EPS8: variants seen among roughly 807,000 people sequenced by gnomAD.
The protein encoded by EPS8 is epidermal growth factor receptor kinase substrate 8.
EPS8 carries 42 observed loss-of-function variants against 103.8 expected under a neutral mutation model. That is an observed-to-expected ratio of 0.40 (90% CI 0.32 to 0.52). EPS8 has a LOEUF of 0.52. EPS8 is among the 20% of genes least tolerant of loss of function. The pLI, the probability that EPS8 is intolerant of heterozygous loss-of-function variation, is 0.40. For synonymous variants in EPS8, 344 were observed against 344.6 expected (o/e 1.00, Z 0.02); for missense variants, 969 against 1,005.1 (o/e 0.96, Z 0.49).
rs903423528 is a variant in EPS8, at chr12:15,701,920, C to G, written c.-21-18948G>C. ...AAAGAGTTCAAACATCTGACTCTTACAATATTTTGCTTTCAGTAGAAAGAC... is the reference window on the plus strand; with the variant it reads ...AAAGAGTTCAAACATCTGACTCTTAGAATATTTTGCTTTCAGTAGAAAGAC... On this transcript the variant is annotated intron_variant, in intron 1 of 20. Transcript: ENST00000281172. The surrounding 1 kb of genome is among the most constrained non-coding windows in gnomAD (Gnocchi z 5.1). Among the ~76,000 whole-genome samples, 1 of 152,146 alleles carries G rather than the reference C, an allele frequency of 6.6e-6. No homozygotes were observed. The highest frequency in any genetic ancestry group is 2.4e-5 in the African/African-American group (1 of 41,420).
chr12:15,732,867 C>T (rs958053220), intron 1 of EPS8: 3 of 392,312 alleles, frequency 7.6e-6, no homozygotes, highest in Non-Finnish European at 1.0e-5. Context: ...ATACAGCCAC[C>T]TCGGTCATTA....
Position 15,640,593 on chromosome 12 carries a change from A to T in EPS8, c.1821+110T>A, listed in dbSNP as rs1261266907. The T allele has an allele frequency of 3.2e-6, 3 of 938,390 alleles. No homozygotes were observed. The African/African-American group carries it at 5.0e-5, about 16-fold the overall frequency. The allele number at this position is 938,390 out of a possible 1,614,324, so 58.1% of individuals were successfully genotyped here. A position where few individuals can be genotyped will look rare whatever the true frequency, so the allele number is the denominator to read the frequency against. ...ACCAATTACTCTAGAAAAAATATAT[A>T]ACCAACTACATCTCAAAATGATCAA... is the stretch of plus-strand genomic sequence containing the variant. On this transcript the variant is annotated intron_variant, in intron 17 of 20. Coordinates refer to ENST00000281172, the MANE Select transcript of EPS8 (RefSeq NM_004447.6).
intron 17 of EPS8, among the ~76,000 whole-genome samples, chr12:15,639,651 G>A (rs1198846513): frequency 6.6e-6 from 1 of 152,070 alleles, no homozygotes; most frequent in East Asian, 1.9e-4. Flanking sequence ...AGTCCCTCTG[G>A]ATAAGCACAG....
intron 17 of EPS8, among the ~76,000 whole-genome samples, chr12:15,638,985 A>G (rs538730190): frequency 6.6e-6 from 1 of 152,360 alleles, no homozygotes; most frequent in Non-Finnish European, 1.5e-5. Flanking sequence ...GAAAATTCCT[A>G]TTATAGAATT....
chr12:15,666,061 A>T (rs1565488661), intron 7 of EPS8, among the ~76,000 whole-genome samples, 169 bp from the exon 8 acceptor site: 1 of 152,236 alleles, frequency 6.6e-6, no homozygotes, highest in Non-Finnish European at 1.5e-5. Flanking sequence ...CATATGAAAT[A>T]AAAAAATTAA....
chr12:15,724,090 G>T (rs1946627018), intron 1 of EPS8, among the ~76,000 whole-genome samples: 1 of 152,054 alleles, frequency 6.6e-6, no homozygotes, highest in South Asian at 2.1e-4. Context: ...CTTTGGGTCA[G>T]TGAATCCTAA....
chr12:15,635,018 T>C (rs572431504), intron 17 of EPS8, among the ~76,000 whole-genome samples: 1 of 152,294 alleles, frequency 6.6e-6, no homozygotes, highest in East Asian at 1.9e-4. Flanking sequence ...ACAGTAACTA[T>C]TTGTATATTC....
rs557142304 is a variant in EPS8 at position 15,716,777 on chromosome 12, T to C, written c.-21-33805A>G. 6.6e-6 allele frequency among the ~76,000 whole-genome samples: 1 copy of C among 152,202 alleles called. No homozygotes were observed. The highest frequency in any genetic ancestry group is 1.5e-5 in the Non-Finnish European group (1 of 68,028). On this transcript the variant is annotated intron_variant, in intron 1 of 20. Transcript: ENST00000281172. The surrounding 1 kb of genome is among the most constrained non-coding windows in gnomAD (Gnocchi z 5.0). Reference sequence around the variant, plus strand: ...ATGTGAGGTCACTTACATAAATTGTTAGGACAACCAAGCAGAATCGATCAA... The same window carrying C: ...ATGTGAGGTCACTTACATAAATTGTCAGGACAACCAAGCAGAATCGATCAA...
chr12:15,719,934 A>C (rs1214607224), intron 1 of EPS8, among the ~76,000 whole-genome samples: 1 of 152,236 alleles, frequency 6.6e-6, no homozygotes, highest in Non-Finnish European at 1.5e-5. Flanking sequence ...GCAAAAAGCC[A>C]TGGATTTGAA....
At chr12:15,647,085 C>T (rs1403075141) in intron 15 of EPS8, 42 bp downstream of exon 15, 1 of 1,586,730 alleles carries the variant, frequency 6.3e-7, no homozygotes, top group Admixed American at 1.7e-5. Flanking sequence ...AGATCAGAGA[C>T]ATTTATCCAC....
chr12:15,709,693 C>G (rs889598913), intron 1 of EPS8, among the ~76,000 whole-genome samples: 10 of 152,192 alleles, frequency 6.6e-5, no homozygotes, highest in Admixed American at 5.9e-4. Flanking sequence ...GCCAGAGCAA[C>G]GGGAGGGCTT....
At chr12:15,770,582 G>GT (rs1187633521) in intron 1 of EPS8, among the ~76,000 whole-genome samples, 12 of 152,058 alleles carry the variant, frequency 7.9e-5, no homozygotes, top group Admixed American at 2.0e-4. Flanking sequence ...TAAGAGCTCA[G>GT]TTTTTTGTGG....
rs1343148882 is a variant in EPS8, at chr12:15,760,606, C to A, written c.-22+28555G>T. On this transcript the variant is annotated intron_variant, in intron 1 of 20. Coordinates refer to ENST00000281172, the MANE Select transcript of EPS8 (RefSeq NM_004447.6). The surrounding 1 kb of genome is among the most constrained non-coding windows in gnomAD (Gnocchi z 4.5). ...CCTTTAAAAGATCATTCATCATAAC[C>A]AGGTGGGATAAATCCCACCAATACA... 1.3e-5 allele frequency among the ~76,000 whole-genome samples: 2 copies of A among 152,070 alleles called. No individual in the cohort carries two copies. Among genetic ancestry groups the A allele is most frequent in the African/African-American group, 4.8e-5 (2 of 41,444 alleles).
rs1479237320 is a variant in EPS8, at chr12:15,776,913, A to G, written c.-22+12248T>C. ...CAGTAATGATAGTTTGATTTTATCA[A>G]TGCCTTTGAAAACCATAAACATAAC... On this transcript the variant is annotated intron_variant, in intron 1 of 20. Transcript: ENST00000281172. The surrounding 1 kb of genome is among the most constrained non-coding windows in gnomAD (Gnocchi z 4.2). 2.0e-5 allele frequency among the ~76,000 whole-genome samples: 3 copies of G among 152,216 alleles called. No homozygotes were observed. The highest frequency in any genetic ancestry group is 4.8e-5 in the African/African-American group (2 of 41,466).
intron 1 of EPS8, among the ~76,000 whole-genome samples, chr12:15,707,879 T>G (rs907930352): frequency 6.6e-6 from 1 of 152,212 alleles, no homozygotes; most frequent in Non-Finnish European, 1.5e-5. Context: ...CATTTCATCC[T>G]CTTTTTGTAG....
At chr12:15,650,405 G>A (rs1383629629) in intron 14 of EPS8, among the ~76,000 whole-genome samples, 1 of 152,162 alleles carries the variant, frequency 6.6e-6, no homozygotes, top group East Asian at 1.9e-4. Context: ...GCTTAAGACA[G>A]GTTAGAGGAT....
In EPS8 at chr12:15,751,924, G is replaced by C. The variant is rs1036667935; in HGVS notation, c.-22+37237C>G. Among the ~76,000 whole-genome samples the C allele has an allele frequency of 2.0e-5, 3 of 152,076 alleles. No homozygotes were observed. The highest frequency in any genetic ancestry group is 6.5e-5 in the Admixed American group (1 of 15,270). On this transcript the variant is annotated intron_variant, in intron 1 of 20. Transcript: ENST00000281172. This position sits in a 1 kb window ranked among gnomAD's most constrained non-coding sequence, Gnocchi z 4.3. ...TAGGCATGGGCGTGGGGGAGGTGGA[G>C]AGCCAGAAAAGTGTAGAAAATCAAG...
At chr12:15,648,614 G>C (rs1945360184) in intron 14 of EPS8, among the ~76,000 whole-genome samples, 2 of 152,088 alleles carry the variant, frequency 1.3e-5, no homozygotes, top group Non-Finnish European at 2.9e-5. Flanking sequence ...CATTAGATTA[G>C]GTAATCTTTA....
chr12:15,635,161 G>T (rs890778243), intron 17 of EPS8, among the ~76,000 whole-genome samples: 1 of 152,004 alleles, frequency 6.6e-6, no homozygotes, highest in Non-Finnish European at 1.5e-5. Context: ...ATGCATTATC[G>T]TGTGATTGTA....
Sources: gnomAD v4.1 joint callset for allele counts (sites outside exome capture counted in the v4.1 genomes callset) on GRCh38, gnomAD v4.1.1 for gene constraint, Gnocchi (gnomAD v3.1) non-coding constraint, MANE v1.5 for transcripts, NCBI Gene and HGNC (gene_info 2026-07-23, HGNC 2026-07-21) for gene names.